PTPRT: variants seen among roughly 807,000 people sequenced by gnomAD.
The protein encoded by PTPRT is protein tyrosine phosphatase receptor type T, also known as receptor-type tyrosine-protein phosphatase T.
Under a neutral mutation model 176.8 loss-of-function variants are expected in PTPRT, and 56 were observed. That is an observed-to-expected ratio of 0.32 (90% CI 0.26 to 0.40). PTPRT has a LOEUF of 0.40. PTPRT is among the 10% of genes least tolerant of loss of function. The probability of loss-of-function intolerance (pLI) is 1.00; values close to 1 mark genes in which losing one functional copy is unlikely to be tolerated. For synonymous variants in PTPRT, 783 were observed against 739.0 expected (o/e 1.06, Z -0.96); for missense variants, 1,540 against 1,908.2 (o/e 0.81, Z 3.60).
At chr20:42,660,374 T>C (rs1471576947) in intron 7 of PTPRT, among the ~76,000 whole-genome samples, 1 of 152,122 alleles carries the variant, frequency 6.6e-6, no homozygotes, top group Non-Finnish European at 1.5e-5. Context: ...TCCATCACTG[T>C]TTGGGGTATT....
intron 1 of PTPRT, among the ~76,000 whole-genome samples, chr20:42,927,732 G>A (rs1175064906): frequency 6.6e-6 from 1 of 152,150 alleles, no homozygotes; most frequent in Admixed American, 6.5e-5. Flanking sequence ...GTCCACGTGG[G>A]ACTTCACCTC....
chr20:42,164,859 CA>C lies in PTPRT; in HGVS notation c.2492-3318del, dbSNP rs1423026789. Reference sequence around the variant, plus strand: ...TAACTCACACCAGCTGGCCCAGGGACAGAGGATTTTTCATTTTTTCTCCTCA... The same window carrying C: ...TAACTCACACCAGCTGGCCCAGGGACGAGGATTTTTCATTTTTTCTCCTCA... On this transcript the variant is annotated intron_variant, in intron 16 of 30. Transcript: ENST00000373187. Among the ~76,000 whole-genome samples, 29 of 152,300 alleles carry C rather than the reference CA, an allele frequency of 1.9e-4. 1 individual carries two copies. Among genetic ancestry groups the C allele is most frequent in the Admixed American group, 1.3e-3 (20 of 15,298 alleles).
At chr20:42,698,998 T>C (rs550341704) in intron 6 of PTPRT, among the ~76,000 whole-genome samples, 2 of 152,228 alleles carry the variant, frequency 1.3e-5, no homozygotes, top group South Asian at 4.2e-4. Context: ...AACAACGATG[T>C]AGTAATAATG....
intron 7 of PTPRT, among the ~76,000 whole-genome samples, chr20:42,494,254 T>C (rs1480825314): frequency 6.6e-6 from 1 of 152,152 alleles, no homozygotes. Flanking sequence ...ACACCTCTAA[T>C]CCTCTATTTT....
chr20:42,113,705 A>T (rs533228775), intron 22 of PTPRT, among the ~76,000 whole-genome samples: 2 of 151,894 alleles, frequency 1.3e-5, no homozygotes, highest in East Asian at 3.9e-4. Context: ...CCTGCTTCCC[A>T]CTCTCTCTTA....
At chr20:42,377,589 C>T (rs1020380528) in intron 9 of PTPRT, among the ~76,000 whole-genome samples, 2 of 152,186 alleles carry the variant, frequency 1.3e-5, no homozygotes, top group Non-Finnish European at 2.9e-5. Context: ...AGGTTCTAAA[C>T]ACCAATAGAC....
intron 14 of PTPRT, among the ~76,000 whole-genome samples, chr20:42,246,123 C>T (rs990710807): frequency 6.6e-6 from 1 of 152,084 alleles, no homozygotes; most frequent in African/African-American, 2.4e-5. Flanking sequence ...TGGTAGCAGA[C>T]TCAATTGATC....
intron 1 of PTPRT, among the ~76,000 whole-genome samples, chr20:42,914,081 C>T (rs1484548659): frequency 6.6e-6 from 1 of 152,180 alleles, no homozygotes; most frequent in Non-Finnish European, 1.5e-5. Context: ...TTGTTTTTCA[C>T]AGCTACATCC....
intron 7 of PTPRT, among the ~76,000 whole-genome samples, chr20:42,620,549 G>A (rs191471012): frequency 6.0e-5 from 9 of 150,580 alleles, no homozygotes; most frequent in Admixed American, 3.9e-4. Context: ...CCTCGTTGTC[G>A]CCTTGCAGTT....
At chr20:42,524,347 A>T (rs996304434) in intron 7 of PTPRT, among the ~76,000 whole-genome samples, 2 of 152,092 alleles carry the variant, frequency 1.3e-5, no homozygotes, top group African/African-American at 4.8e-5. Flanking sequence ...TTTTATTGGC[A>T]ATTTACTCTT....
At chr20:42,573,499 T>C (rs530359299) in intron 7 of PTPRT, among the ~76,000 whole-genome samples, 2 of 152,350 alleles carry the variant, frequency 1.3e-5, no homozygotes, top group South Asian at 2.1e-4. Context: ...AGCTGGCATC[T>C]GTTGGTCTCA....
intron 1 of PTPRT, among the ~76,000 whole-genome samples, chr20:42,989,695 C>T (rs1195206531): frequency 6.6e-6 from 1 of 152,258 alleles, no homozygotes; most frequent in African/African-American, 2.4e-5. Context: ...CTCCCTCCTC[C>T]CTCCCTTGAC....
intron 8 of PTPRT, among the ~76,000 whole-genome samples, chr20:42,471,643 G>GT (rs11483839): frequency 0.02 from 3,079 of 151,844 alleles, 49 homozygotes; most frequent in Non-Finnish European, 0.028. Context: ...AGTCTCCGGT[G>GT]TTTTTTTTGT....
At chr20:43,125,737 T>C (rs1027830777) in intron 1 of PTPRT, among the ~76,000 whole-genome samples, 3 of 152,216 alleles carry the variant, frequency 2.0e-5, no homozygotes, top group Non-Finnish European at 4.4e-5. Context: ...CTATTAGAAG[T>C]AAGCATGGTC....
chr20:42,555,181 C>T (rs970581862), intron 7 of PTPRT, among the ~76,000 whole-genome samples: 7 of 152,120 alleles, frequency 4.6e-5, no homozygotes, highest in African/African-American at 1.4e-4. Flanking sequence ...GTACAGAATG[C>T]TCTGGGCCTG....
In PTPRT at chr20:42,369,338, G is replaced by A. The variant is rs377632381; in HGVS notation, c.1561-17053C>T. ...CCAAAGAATAAATAACTCATGAACC[G>A]TGAGAGCACTCCAACAAATGAGACT... On this transcript the variant is annotated intron_variant, in intron 9 of 30. Coordinates refer to ENST00000373187, the MANE Select transcript of PTPRT (RefSeq NM_007050.6). Among the ~76,000 whole-genome samples, 140 of 152,208 alleles carry A rather than the reference G, an allele frequency of 9.2e-4. 2 individuals carry two copies. Among genetic ancestry groups the A allele is most frequent in the Middle Eastern group, 3.4e-3 (1 of 294 alleles).
In PTPRT at chr20:42,121,414, T is replaced by G. The variant is rs117845134; in HGVS notation, c.2848-1443A>C. Among the ~76,000 whole-genome samples the G allele has an allele frequency of 2.7e-4, 41 of 152,320 alleles. No homozygotes were observed. The East Asian group carries it at 7.1e-3, about 27-fold the overall frequency. ...ACACTCCCTACTAAGCTTAAAATTT[T>G]TTTTGTCACAGAGCTCAGCACAATG... On this transcript the variant is annotated intron_variant, in intron 19 of 30. Transcript: ENST00000373187.
chr20:42,119,828 G>T, intron 20 of PTPRT, 107 bp downstream of exon 20: 3 of 980,886 alleles, frequency 3.1e-6, no homozygotes, highest in African/African-American at 1.7e-5. Context: ...AAGGAGGGTT[G>T]GAGTAACAGA....
chr20:42,404,970 A>AT (rs2058944778), intron 9 of PTPRT, among the ~76,000 whole-genome samples: 3 of 124,362 alleles, frequency 2.4e-5, no homozygotes, highest in East Asian at 2.2e-4. Flanking sequence ...AGGGCCAATT[A>AT]ATTATATATA....
Sources: gnomAD v4.1 joint callset for allele counts (sites outside exome capture counted in the v4.1 genomes callset) on GRCh38, gnomAD v4.1.1 for gene constraint, MANE v1.5 for transcripts, NCBI Gene and HGNC (gene_info 2026-07-23, HGNC 2026-07-21) for gene names.